ADAMTSL1: variants seen among roughly 807,000 people sequenced by gnomAD.
ADAMTSL1 encodes the protein ADAMTS-like protein 1.
A neutral mutation model predicts 201.8 loss-of-function variants in ADAMTSL1; 126 were observed. That is an observed-to-expected ratio of 0.62 (90% CI 0.54 to 0.72). ADAMTSL1 has a LOEUF of 0.72. Ranked by LOEUF, ADAMTSL1 falls within the 30% of genes least tolerant of loss-of-function variation. The pLI is 0.00. For missense variants in ADAMTSL1, 2,679 were observed against 2,277.8 expected, an observed-to-expected ratio of 1.18 and a Z score of -3.59; for synonymous variants, 1,121 against 903.4, an observed-to-expected ratio of 1.24 and a Z score of -4.32.
intron 1 of ADAMTSL1, among the ~76,000 whole-genome samples, chr9:17,984,153 G>A (rs552078924): frequency 6.6e-6 from 1 of 152,048 alleles, no homozygotes; most frequent in African/African-American, 2.4e-5. Flanking sequence ...TTAGCAATTA[G>A]CAGATTCTTG....
rs1192899374 is a variant in ADAMTSL1 at position 18,074,491 on chromosome 9, CTTTTCTTTTCTTTTCTTTTCTTCTT to C, written c.88-89368_88-89344del. Among the ~76,000 whole-genome samples the C allele has an allele frequency of 2.0e-3, 178 of 87,888 alleles. 1 individual carries two copies. The highest frequency in any genetic ancestry group is 7.8e-3 in the African/African-American group (163 of 20,882). 57.7% of individuals were successfully genotyped at this position (87,888 alleles called of 152,430 possible). On this transcript the variant is annotated intron_variant, in intron 1 of 29. Transcript: ENST00000680146. Reference sequence around the variant, plus strand: ...ACTGTGTTTTCTTTTCTTTTCTTTTCTTTTCTTTTCTTTTCTTTTCTTCTTTTCTTTTCTTTTCTTTTCTTCTCTC... The same window carrying C: ...ACTGTGTTTTCTTTTCTTTTCTTTTCTTCTTTTCTTTTCTTTTCTTCTCTC...
chr9:18,124,271 C>T (rs978334552), intron 1 of ADAMTSL1, among the ~76,000 whole-genome samples: 10 of 151,328 alleles, frequency 6.6e-5, no homozygotes, highest in South Asian at 2.1e-4. Context: ...TTAGTAGAGA[C>T]GGGGTTTCAC....
intron 2 of ADAMTSL1, among the ~76,000 whole-genome samples, chr9:18,342,173 G>C (rs755179779): frequency 2.8e-4 from 42 of 152,082 alleles, no homozygotes; most frequent in Non-Finnish European, 4.4e-4. Flanking sequence ...CGTGGGGCTA[G>C]TCCCTGATTC....
chr9:18,906,453 T>C (rs1287800772), intron 27 of ADAMTSL1, among the ~76,000 whole-genome samples: 1 of 152,170 alleles, frequency 6.6e-6, no homozygotes, highest in Non-Finnish European at 1.5e-5. Context: ...TCTTTAGTCA[T>C]GCAGTGAGAT....
rs1488140824 is a variant in ADAMTSL1 at position 18,312,543 on chromosome 9, C to T, written c.207+148562C>T. ...GTGGTATGGACTGTGCACATAACTT[C>T]ACCTGAGGTAGCCAGATGGATAACT... On this transcript the variant is annotated intron_variant, in intron 2 of 29. Transcript: ENST00000680146. 2.0e-5 allele frequency among the ~76,000 whole-genome samples: 3 copies of T among 152,168 alleles called. No individual in the cohort carries two copies. The East Asian group carries it at 5.8e-4, about 29-fold the overall frequency.
chr9:18,438,855 T>TC (rs527518633), intron 2 of ADAMTSL1, among the ~76,000 whole-genome samples: 99 of 152,226 alleles, frequency 6.5e-4, no homozygotes, highest in Non-Finnish European at 1.1e-3. Flanking sequence ...CACGTGCATT[T>TC]CCCCAAGTGT....
intron 2 of ADAMTSL1, among the ~76,000 whole-genome samples, chr9:18,461,516 T>A (rs1443463887): frequency 6.6e-6 from 1 of 152,188 alleles, no homozygotes; most frequent in Non-Finnish European, 1.5e-5. Context: ...GTTCAATATG[T>A]CATTTTTGTT....
At chr9:18,666,950 CTT>C (rs35220169) in intron 9 of ADAMTSL1, among the ~76,000 whole-genome samples, 209 of 128,894 alleles carry the variant, frequency 1.6e-3, no homozygotes, top group African/African-American at 3.5e-3. Context: ...TGCAGATTTT[CTT>C]TTTTTTTTTT....
At chr9:17,919,482 T>C (rs1826223937) in intron 1 of ADAMTSL1, among the ~76,000 whole-genome samples, 1 of 151,962 alleles carries the variant, frequency 6.6e-6, no homozygotes, top group Non-Finnish European at 1.5e-5. Flanking sequence ...ACCCCCTTAC[T>C]TCCCTCCCAC....
intron 1 of ADAMTSL1, among the ~76,000 whole-genome samples, chr9:18,048,884 G>A (rs979292102): frequency 2.6e-5 from 4 of 152,172 alleles, no homozygotes; most frequent in Non-Finnish European, 5.9e-5. Flanking sequence ...TAAAACAACA[G>A]AAATGTACTT....
intron 3 of ADAMTSL1, among the ~76,000 whole-genome samples, chr9:18,554,916 G>A (rs1283611316): frequency 1.4e-5 from 2 of 148,070 alleles, no homozygotes; most frequent in Non-Finnish European, 3.0e-5. Context: ...TTACTCTTGT[G>A]TTGTACATTC....
At position 18,484,501 on chromosome 9, in the gene ADAMTSL1, C is replaced by A. The variant is rs28635605; in HGVS notation, c.63+10206C>A. ...ATCCTCTTTTTTAGGAATACTGAAA[C>A]CTAAGCTTAATGGGTGTATTACTTT... On this transcript the variant is annotated intron_variant, in intron 1 of 28. Coordinates refer to ENST00000380548, the MANE Select transcript of ADAMTSL1 (RefSeq NM_001040272.6). 5.3e-3 allele frequency among the ~76,000 whole-genome samples: 802 copies of A among 152,172 alleles called. 9 individuals carry two copies. The highest frequency in any genetic ancestry group is 0.019 in the African/African-American group (779 of 41,502).
intron 2 of ADAMTSL1, among the ~76,000 whole-genome samples, chr9:18,321,109 G>A (rs1834598121): frequency 1.3e-5 from 2 of 152,068 alleles, no homozygotes; most frequent in African/African-American, 4.8e-5. Context: ...TAAGTAAAAG[G>A]ATGGAAACAG....
At chr9:18,800,008 G>C (rs1224640333) in intron 20 of ADAMTSL1, among the ~76,000 whole-genome samples, 2 of 152,130 alleles carry the variant, frequency 1.3e-5, no homozygotes, top group Non-Finnish European at 2.9e-5. Context: ...GCTTCATAAA[G>C]AGTTAGGCTC....
intron 2 of ADAMTSL1, among the ~76,000 whole-genome samples, chr9:18,450,076 G>A (rs551895441): frequency 2.0e-5 from 3 of 152,316 alleles, no homozygotes; most frequent in Non-Finnish European, 4.4e-5. Flanking sequence ...GTACAGGAAT[G>A]TTTGTAATAG....
intron 2 of ADAMTSL1, among the ~76,000 whole-genome samples, chr9:18,465,736 TTTTTGTTTTG>T (rs60866155): frequency 2.0e-5 from 3 of 150,826 alleles, no homozygotes; most frequent in African/African-American, 7.3e-5. Context: ...CACAGGTATC[TTTTTGTTTTG>T]TTTTGTTTTG....
intron 15 of ADAMTSL1, among the ~76,000 whole-genome samples, chr9:18,734,898 G>A (rs1285104571): frequency 3.9e-5 from 6 of 152,128 alleles, no homozygotes; most frequent in Non-Finnish European, 7.3e-5. Flanking sequence ...GCCTAAAATT[G>A]CTTGATTCCA....
intron 2 of ADAMTSL1, among the ~76,000 whole-genome samples, chr9:18,265,232 G>A (rs1346344534): frequency 2.0e-5 from 3 of 152,066 alleles, no homozygotes; most frequent in East Asian, 1.9e-4. Flanking sequence ...CCTTGGGGTC[G>A]TTTCTCTTTC....
chr9:18,031,319 T>C (rs10963398), intron 1 of ADAMTSL1, among the ~76,000 whole-genome samples: 41,659 of 152,076 alleles, frequency 0.27, 7,181 homozygotes, highest in Non-Finnish European at 0.38. Context: ...ATGGGGCTTT[T>C]TGTTTTTATA....
Sources: allele counts gnomAD v4.1 joint callset (sites outside exome capture counted in the v4.1 genomes callset), GRCh38; gene constraint gnomAD v4.1.1; transcripts MANE v1.5; gene names NCBI Gene and HGNC (gene_info 2026-07-23, HGNC 2026-07-21).